Variants in RAPGEF2 observed in about 807,000 individuals in gnomAD.
The protein encoded by RAPGEF2 is PDZ domain containing guanine nucleotide exchange factor (GEF) 1.
A neutral mutation model predicts 186.7 loss-of-function variants in RAPGEF2; 54 were observed. That is an observed-to-expected ratio of 0.29 (90% CI 0.23 to 0.36). The LOEUF (loss-of-function observed/expected upper bound fraction) is 0.36. RAPGEF2 is among the 10% of genes least tolerant of loss of function. The pLI is 1.00. For missense variants in RAPGEF2, 1,532 were observed against 2,045.0 expected (o/e 0.75, Z 4.84); for synonymous variants, 712 against 705.9 (o/e 1.01, Z -0.14).
chr4:159,131,519 A>ATTGGTTTTTTTTTTTTTTT, intron 1 of RAPGEF2, among the ~76,000 whole-genome samples: 1 of 37,188 alleles, frequency 2.7e-5, no homozygotes, highest in Non-Finnish European at 5.0e-5. Flanking sequence ...ATTAATTGCT[A>ATTGGTTTTTTTTTTTTTTT]TTTTTTTTTT....
chr4:159,235,168 C>T (rs186382202), intron 4 of RAPGEF2, among the ~76,000 whole-genome samples: 234 of 152,266 alleles, frequency 1.5e-3, no homozygotes, highest in African/African-American at 5.0e-3. Context: ...CTTAGAAACT[C>T]TTCCAGGGTA....
chr4:159,337,903 AAAAAAAAAAAG>A (rs1767673654), intron 17 of RAPGEF2, among the ~76,000 whole-genome samples: 1 of 148,270 alleles, frequency 6.7e-6, no homozygotes, highest in Admixed American at 6.7e-5. Context: ...AAAAAAAAAA[AAAAAAAAAAAG>A]AAAGAAAAAC....
chr4:159,186,635 G>T lies in RAPGEF2; in HGVS notation c.70-7G>T. On this transcript the variant is annotated splice_region_variant and splice_polypyrimidine_tract_variant and intron_variant, in intron 1 of 29. Coordinates refer to ENST00000691494, the MANE Select transcript of RAPGEF2 (RefSeq NM_001394067.2). ...TCTAATAATTTCTATTCTTTTCTTT[G>T]AAACAGGATCTGGAAATAGTATATT... 1 of 1,395,388 alleles carries T rather than the reference G, an allele frequency of 7.2e-7. No individual in the cohort carries two copies. Among genetic ancestry groups the T allele is most frequent in the South Asian group, 1.5e-5 (1 of 68,926 alleles). 86.4% of individuals were successfully genotyped at this position (1,395,388 alleles called of 1,614,324 possible). A position where few individuals can be genotyped will look rare whatever the true frequency, so the allele number is the denominator to read the frequency against.
In RAPGEF2 at chr4:159,128,323, A is replaced by C. The variant is rs115962290; in HGVS notation, c.69+24092A>C. On this transcript the variant is annotated intron_variant, in intron 1 of 29. Coordinates refer to ENST00000691494, the MANE Select transcript of RAPGEF2 (RefSeq NM_001394067.2). Reference sequence around the variant, plus strand: ...ACGTGACCCTGGAAATTTTCATTGGATCTTAGTTTTCTCACCTGTAAAATG... The same window carrying C: ...ACGTGACCCTGGAAATTTTCATTGGCTCTTAGTTTTCTCACCTGTAAAATG... Among the ~76,000 whole-genome samples, 1,291 of 152,190 alleles carry C rather than the reference A, an allele frequency of 8.5e-3. 23 individuals are homozygous for C. Among genetic ancestry groups the C allele is most frequent in the African/African-American group, 0.03 (1,227 of 41,528 alleles).
At chr4:159,283,103 G>A (rs1759952577) in intron 7 of RAPGEF2, among the ~76,000 whole-genome samples, 1 of 152,038 alleles carries the variant, frequency 6.6e-6, no homozygotes, top group African/African-American at 2.4e-5. Context: ...CAAAATACTG[G>A]GAAAACAAGC....
At chr4:159,193,324 G>A in intron 3 of RAPGEF2, 68 bp downstream of exon 3, 1 of 971,940 alleles carries the variant, frequency 1.0e-6, no homozygotes. Context: ...AAGTATCAAA[G>A]GAGTATTAGT....
chr4:159,357,974 A>G, intron 29 of RAPGEF2, 140 bp from the exon 30 acceptor site: 1 of 787,694 alleles, frequency 1.3e-6, no homozygotes, highest in Non-Finnish European at 1.9e-6. Flanking sequence ...TAGGAAAAAA[A>G]GACAAGGATT....
chr4:159,273,234 C>T lies in RAPGEF2; in HGVS notation c.543+29443C>T, dbSNP rs1174065487. On this transcript the variant is annotated intron_variant, in intron 7 of 29. Transcript: ENST00000691494. ...AGAGGGGACTGAGAGGAAGCATATC[C>T]TGTTGTTTTATTCAAGGACAAGGTC... 2.0e-5 allele frequency among the ~76,000 whole-genome samples: 3 copies of T among 152,162 alleles called. No homozygotes were observed. The South Asian group carries it at 6.2e-4, about 32-fold the overall frequency.
At chr4:159,278,192 T>G (rs1411341920) in intron 7 of RAPGEF2, among the ~76,000 whole-genome samples, 1 of 152,216 alleles carries the variant, frequency 6.6e-6, no homozygotes, top group African/African-American at 2.4e-5. Flanking sequence ...TACCATCTGT[T>G]AAATAGGGAA....
intron 5 of RAPGEF2, 152 bp from the exon 6 acceptor site, chr4:159,241,049 T>C (rs1753928829): frequency 1.7e-6 from 1 of 582,342 alleles, no homozygotes; most frequent in South Asian, 4.3e-5. Context: ...TCCAGAGAAG[T>C]TCAGAGACAC....
chr4:159,109,705 TC>T (rs1258625144), intron 1 of RAPGEF2, among the ~76,000 whole-genome samples: 1 of 152,222 alleles, frequency 6.6e-6, no homozygotes, highest in Admixed American at 6.5e-5. Context: ...GATGTGGACT[TC>T]CTAGATGAAT....
intron 3 of RAPGEF2, among the ~76,000 whole-genome samples, chr4:159,204,887 A>C (rs1749811229): frequency 6.6e-6 from 1 of 152,026 alleles, no homozygotes; most frequent in Non-Finnish European, 1.5e-5. Flanking sequence ...TAGTCTTCAG[A>C]TTTCTGTTTT....
Position 159,103,771 on chromosome 4 carries a change from G to A in RAPGEF2, c.-392G>A, listed in dbSNP as rs903367438. 3 of 152,436 alleles carry A rather than the reference G, an allele frequency of 2.0e-5. No individual in the cohort carries two copies. In the East Asian group the frequency reaches 5.8e-4, roughly 29 times the overall value. The allele number at this position is 152,436 out of a possible 1,614,324, so 9.4% of individuals were successfully genotyped here. ...ACTCGTACCTCCCTAAAAATAACTCGGGCCCGCTGGGGCCAGGAGGAGCCG... is the reference window on the plus strand; with the variant it reads ...ACTCGTACCTCCCTAAAAATAACTCAGGCCCGCTGGGGCCAGGAGGAGCCG... On this transcript the variant is annotated 5_prime_UTR_variant, in exon 1 of 30. Transcript: ENST00000691494.
At chr4:159,327,798 T>C (rs1355263737) in intron 11 of RAPGEF2, 1 of 152,024 alleles carries the variant, frequency 6.6e-6, no homozygotes, top group Non-Finnish European at 1.5e-5. Flanking sequence ...TATTTTCAAG[T>C]AAAATGTATT....
intron 1 of RAPGEF2, among the ~76,000 whole-genome samples, chr4:159,107,989 C>A (rs1311241042): frequency 6.6e-6 from 1 of 152,100 alleles, no homozygotes; most frequent in Admixed American, 6.6e-5. Context: ...TCATAGAATA[C>A]AACTAAACTA....
At chr4:159,357,454 A>C (rs10025560) in intron 29 of RAPGEF2, among the ~76,000 whole-genome samples, 1 of 152,218 alleles carries the variant, frequency 6.6e-6, no homozygotes, top group African/African-American at 2.4e-5. Flanking sequence ...CTACAAATCT[A>C]TCTGACCATG....
At chr4:159,296,869 T>G (rs909487736) in intron 7 of RAPGEF2, among the ~76,000 whole-genome samples, 3 of 152,230 alleles carry the variant, frequency 2.0e-5, no homozygotes, top group African/African-American at 7.2e-5. Flanking sequence ...ACTCAATGCT[T>G]TCTTTGAACA....
intron 19 of RAPGEF2, among the ~76,000 whole-genome samples, chr4:159,340,041 G>C (rs1349866687): frequency 6.6e-6 from 1 of 152,126 alleles, no homozygotes; most frequent in Non-Finnish European, 1.5e-5. Context: ...TTATCTTCAA[G>C]TCACAATAAG....
intron 1 of RAPGEF2, among the ~76,000 whole-genome samples, chr4:159,150,033 C>G (rs1743365427): frequency 2.0e-5 from 3 of 152,032 alleles, no homozygotes; most frequent in Non-Finnish European, 4.4e-5. Flanking sequence ...CTCTAGACTT[C>G]GCAAATCCCA....
Sources: gnomAD v4.1 joint callset for allele counts (sites outside exome capture counted in the v4.1 genomes callset) on GRCh38, gnomAD v4.1.1 for gene constraint, MANE v1.5 for transcripts, NCBI Gene and HGNC (gene_info 2026-07-23, HGNC 2026-07-21) for gene names.